The following RNF32 variants were observed in gnomAD, a reference collection of about 807,000 sequenced individuals.
RNF32 encodes ring finger protein 32.
In RNF32, 36 loss-of-function variants were observed where a neutral mutation model predicts 41.0. That is an observed-to-expected ratio of 0.88 (90% CI 0.67 to 1.16). The LOEUF is 1.16. Among genes scored for constraint, RNF32 ranks in the 50% most tolerant of loss-of-function variants. The probability of loss-of-function intolerance (pLI) is 0.00; values close to 1 mark genes in which losing one functional copy is unlikely to be tolerated. For synonymous variants in RNF32, 154 were observed against 160.9 expected (o/e 0.96, Z 0.32); for missense variants, 413 against 436.7 (o/e 0.95, Z 0.48).
chr7:156,644,772 T>C lies in RNF32; in HGVS notation c.274+15T>C, dbSNP rs766317705. 8 of 1,590,264 alleles carry C rather than the reference T, an allele frequency of 5.0e-6. No homozygotes were observed. The East Asian group carries it at 8.9e-5, about 18-fold the overall frequency. On this transcript the variant is annotated intron_variant, in intron 3 of 8. Transcript: ENST00000317955. ...GTTGACTTTGGGTAAGCTGACGTAGTCATTCATCTTTTGGCTTATTAGGGC... is the reference window on the plus strand; with the variant it reads ...GTTGACTTTGGGTAAGCTGACGTAGCCATTCATCTTTTGGCTTATTAGGGC...
rs1455584760 is a variant in RNF32 at position 156,654,632 on chromosome 7, GAGA to G, written c.334_336del (p.Lys112del). On this transcript the variant is annotated inframe_deletion, in exon 4 of 9. Coordinates refer to ENST00000317955, the MANE Select transcript of RNF32 (RefSeq NM_030936.4). ...ACCTCCACTGTCATCAGATGAATGG[GAGA>G]AGGTGAAACAGCGCTCTCTCCTGCA... 3 of 1,614,158 alleles carry G rather than the reference GAGA, an allele frequency of 1.9e-6. No homozygotes were observed. The highest frequency in any genetic ancestry group is 2.2e-5 in the East Asian group (1 of 44,882).
At chr7:156,671,960 C>T (rs1802650188) in intron 7 of RNF32, among the ~76,000 whole-genome samples, 1 of 152,050 alleles carries the variant, frequency 6.6e-6, no homozygotes, top group Admixed American at 6.5e-5. Flanking sequence ...AGCAAAAGTA[C>T]ATATCAAAAC....
chr7:156,662,917 G>C (rs1002468423), intron 7 of RNF32, among the ~76,000 whole-genome samples: 3 of 148,346 alleles, frequency 2.0e-5, no homozygotes, highest in African/African-American at 7.5e-5. Flanking sequence ...GCGCGATCTC[G>C]GCACACTGCA....
intron 3 of RNF32, among the ~76,000 whole-genome samples, chr7:156,645,267 G>T (rs971347549): frequency 2.0e-5 from 3 of 152,196 alleles, no homozygotes; most frequent in Admixed American, 1.3e-4. Context: ...CTGTACAGTT[G>T]TAACGCTTGG....
At chr7:156,671,050 A>T (rs1441949620) in intron 7 of RNF32, among the ~76,000 whole-genome samples, 1 of 152,250 alleles carries the variant, frequency 6.6e-6, no homozygotes. Context: ...GAGGGATAAA[A>T]ATTCCAATTT....
intron 1 of RNF32, chr7:156,643,198 C>A (rs530496318): frequency 6.6e-6 from 1 of 152,380 alleles, no homozygotes; most frequent in African/African-American, 2.4e-5. Flanking sequence ...AGATGAGGAG[C>A]CTGGGGCTCA....
intron 4 of RNF32, among the ~76,000 whole-genome samples, chr7:156,655,243 A>G (rs1219794636): frequency 2.1e-5 from 3 of 140,478 alleles, no homozygotes; most frequent in African/African-American, 8.9e-5. Context: ...GCGCGCGCAC[A>G]CACACACACA....
chr7:156,650,718 G>GT (rs1178244839), intron 3 of RNF32, among the ~76,000 whole-genome samples: 1 of 152,206 alleles, frequency 6.6e-6, no homozygotes, highest in Non-Finnish European at 1.5e-5. Context: ...AAGAGGAAGG[G>GT]TGGTGCTGGG....
At chr7:156,656,845 G>A (rs983110964) in intron 4 of RNF32, among the ~76,000 whole-genome samples, 1 of 152,254 alleles carries the variant, frequency 6.6e-6, no homozygotes, top group African/African-American at 2.4e-5. Flanking sequence ...GGAAGCAGGA[G>A]CCTGGCCTTT....
rs142578173 is a variant in RNF32 at position 156,646,868 on chromosome 7, T to C, written c.274+2111T>C. 6.2e-4 allele frequency among the ~76,000 whole-genome samples: 94 copies of C among 152,330 alleles called. 1 individual carries two copies. Among genetic ancestry groups the C allele is most frequent in the African/African-American group, 2.1e-3 (88 of 41,564 alleles). ...GAAATTTCATTTTGTTTTGTTTTTT[T>C]TGAGATGGAGTCTTGCTCTGTTGCC... On this transcript the variant is annotated intron_variant, in intron 3 of 8. Coordinates refer to ENST00000317955, the MANE Select transcript of RNF32 (RefSeq NM_030936.4).
rs554840615 is a variant in RNF32 at position 156,654,648 on chromosome 7, G to A, written c.347G>A (p.Arg116His). 56 of 1,613,964 alleles carry A rather than the reference G, an allele frequency of 3.5e-5. No homozygotes were observed. The South Asian group carries it at 3.6e-4, about 10-fold the overall frequency. Reference sequence around the variant, plus strand: ...GATGAATGGGAGAAGGTGAAACAGCGCTCTCTCCTGCAAGGGGACTCCGTG... The same window carrying A: ...GATGAATGGGAGAAGGTGAAACAGCACTCTCTCCTGCAAGGGGACTCCGTG... Reference protein sequence around the residue: ...SSDEWEKVKQRSLLQGDSVQP... With the variant: ...SSDEWEKVKQHSLLQGDSVQP... Residue 116 changes from arginine (R) to histidine (H), a missense_variant, in exon 4 of 9, where the codon CGC becomes CAC. Arg to His is a conservative substitution (Grantham distance 29). Transcript: ENST00000317955.
chr7:156,671,678 C>T (rs1326462067), intron 7 of RNF32, among the ~76,000 whole-genome samples: 2 of 152,140 alleles, frequency 1.3e-5, no homozygotes, highest in African/African-American at 4.8e-5. Context: ...GGTCCTGTCG[C>T]CCAGCTCATG....
intron 1 of RNF32, among the ~76,000 whole-genome samples, chr7:156,642,695 G>C (rs1358928809): frequency 6.6e-6 from 1 of 152,218 alleles, no homozygotes; most frequent in East Asian, 1.9e-4. Context: ...TGGAGAGGAC[G>C]GCATCCCATG....
chr7:156,669,892 C>T lies in RNF32; in HGVS notation c.685-5804C>T, dbSNP rs1200962866. On this transcript the variant is annotated intron_variant, in intron 7 of 8. Coordinates refer to ENST00000317955, the MANE Select transcript of RNF32 (RefSeq NM_030936.4). This position sits in a 1 kb window ranked among gnomAD's most constrained non-coding sequence, Gnocchi z 4.2. Reference sequence around the variant, plus strand: ...GACTCTGTTCCAGGTGACAGGAGGGCGGGCGGTCATGGCCTAGTGCCATGA... The same window carrying T: ...GACTCTGTTCCAGGTGACAGGAGGGTGGGCGGTCATGGCCTAGTGCCATGA... Among the ~76,000 whole-genome samples the T allele has an allele frequency of 4.6e-5, 7 of 152,064 alleles. No individual in the cohort carries two copies. The highest frequency in any genetic ancestry group is 8.8e-5 in the Non-Finnish European group (6 of 67,998).
In RNF32 at chr7:156,659,234, C is replaced by T. The variant is rs1800226291; in HGVS notation, c.684+664C>T. 3.7e-6 allele frequency: 4 copies of T among 1,082,416 alleles called. No homozygotes were observed. In the South Asian group the frequency reaches 1.6e-4, roughly 43 times the overall value. 67.1% of individuals were successfully genotyped at this position (1,082,416 alleles called of 1,614,324 possible). A position where few individuals can be genotyped will look rare whatever the true frequency, so the allele number is the denominator to read the frequency against. ...ATCACTTCTTCCTGGCAGTGTTGGCCTGAGAAGAGCTGTAGCATTTATAAT... is the reference window on the plus strand; with the variant it reads ...ATCACTTCTTCCTGGCAGTGTTGGCTTGAGAAGAGCTGTAGCATTTATAAT... On this transcript the variant is annotated intron_variant, in intron 7 of 8. Coordinates refer to ENST00000317955, the MANE Select transcript of RNF32 (RefSeq NM_030936.4).
Position 156,640,828 on chromosome 7 carries a change from G to A in RNF32, c.-78+17G>A, listed in dbSNP as rs1164633297. 2 of 210,300 alleles carry A rather than the reference G, an allele frequency of 9.5e-6. No individual in the cohort carries two copies. The highest frequency in any genetic ancestry group is 1.9e-5 in the Non-Finnish European group (2 of 103,152). The allele number at this position is 210,300 out of a possible 1,614,324, so 13.0% of individuals were successfully genotyped here. A position where few individuals can be genotyped will look rare whatever the true frequency, so the allele number is the denominator to read the frequency against. On this transcript the variant is annotated intron_variant, in intron 1 of 8. Transcript: ENST00000317955. ...GGAGTCGAGGCACGGAGAGGCTTCG[G>A]GGGAGGGACGGAAAGAAGGGTGGCC...
chr7:156,674,500 G>A (rs563905724), intron 7 of RNF32, among the ~76,000 whole-genome samples: 11 of 152,284 alleles, frequency 7.2e-5, no homozygotes, highest in Admixed American at 1.3e-4. Flanking sequence ...AAAAGGAGCC[G>A]CTGGTGTGGC....
At position 156,671,419 on chromosome 7, in the gene RNF32, A is replaced by G. The variant is rs563098057; in HGVS notation, c.685-4277A>G. Among the ~76,000 whole-genome samples the G allele has an allele frequency of 1.8e-4, 28 of 152,304 alleles. 1 individual carries two copies. The East Asian group carries it at 5.2e-3, about 28-fold the overall frequency. ...AGGCTGATGTGCTGATACCTGACGAAAGAGATTCTAAAGCAAAGGCATCAT... is the reference window on the plus strand; with the variant it reads ...AGGCTGATGTGCTGATACCTGACGAGAGAGATTCTAAAGCAAAGGCATCAT... On this transcript the variant is annotated intron_variant, in intron 7 of 8. Transcript: ENST00000317955.
intron 7 of RNF32, among the ~76,000 whole-genome samples, chr7:156,664,371 G>A (rs575682173): frequency 2.6e-5 from 4 of 152,296 alleles, no homozygotes; most frequent in Non-Finnish European, 4.4e-5. Flanking sequence ...TGAGGCAGGA[G>A]AATAGCTTGC....
Sources: allele counts gnomAD v4.1 joint callset (sites outside exome capture counted in the v4.1 genomes callset), GRCh38; gene constraint gnomAD v4.1.1; non-coding constraint Gnocchi (gnomAD v3.1); transcripts MANE v1.5; gene names NCBI Gene and HGNC (gene_info 2026-07-23, HGNC 2026-07-21).